Variants in PSTPIP2 observed in about 807,000 individuals in gnomAD.
PSTPIP2 encodes proline-serine-threonine phosphatase interacting protein 2.
A neutral mutation model predicts 63.3 loss-of-function variants in PSTPIP2; 33 were observed. The ratio of observed to expected loss-of-function variants is 0.52; its 90% confidence interval spans 0.40 to 0.70. The LOEUF is 0.70. Ranked by LOEUF, PSTPIP2 falls within the 30% of genes least tolerant of loss-of-function variation. PSTPIP2 has a pLI of 0.00. For missense variants in PSTPIP2, 312 were observed against 400.7 expected, an observed-to-expected ratio of 0.78 and a Z score of 1.89; for synonymous variants, 125 against 132.7, an observed-to-expected ratio of 0.94 and a Z score of 0.40.
At chr18:46,050,828 G>A (rs914006976) in intron 1 of PSTPIP2, among the ~76,000 whole-genome samples, 1 of 151,672 alleles carries the variant, frequency 6.6e-6, no homozygotes, top group African/African-American at 2.4e-5. Flanking sequence ...CACCATACAT[G>A]TAGTAGTGAC....
intron 4 of PSTPIP2, among the ~76,000 whole-genome samples, chr18:46,013,472 T>G (rs886871983): frequency 6.6e-6 from 1 of 151,994 alleles, no homozygotes; most frequent in Non-Finnish European, 1.5e-5. Flanking sequence ...AGGTTCTGAG[T>G]AACAGGCCTG....
intron 1 of PSTPIP2, among the ~76,000 whole-genome samples, chr18:46,063,031 C>G (rs1482940063): frequency 6.6e-6 from 1 of 152,206 alleles, no homozygotes; most frequent in Non-Finnish European, 1.5e-5. Context: ...GAGACAGCGT[C>G]TTGCTCTGTC....
rs149010793 is a variant in PSTPIP2 at position 46,013,242 on chromosome 18, T to C, written c.248-1955A>G. Among the ~76,000 whole-genome samples the C allele has an allele frequency of 3.7e-4, 57 of 152,330 alleles. 2 individuals are homozygous for C. In the Middle Eastern group the frequency reaches 0.014, roughly 36 times the overall value. ...GCATATAAGGAACGTGAAAAGTTAC[T>C]GTCTCTACTCTGAGAAATGTATTCA... is the stretch of plus-strand genomic sequence containing the variant. On this transcript the variant is annotated intron_variant, in intron 4 of 14. Coordinates refer to ENST00000409746, the MANE Select transcript of PSTPIP2 (RefSeq NM_024430.4).
At chr18:45,998,768 C>T (rs757061247) in intron 8 of PSTPIP2, 26 bp downstream of exon 8, 5 of 1,611,222 alleles carry the variant, frequency 3.1e-6, no homozygotes, top group Admixed American at 1.7e-5. Context: ...GCAACCCTCC[C>T]CCATCCGTAG....
chr18:46,044,574 T>A (rs534838704), intron 1 of PSTPIP2, among the ~76,000 whole-genome samples: 2,666 of 152,188 alleles, frequency 0.018, 74 homozygotes, highest in African/African-American at 0.061. Context: ...AACCTAGGCA[T>A]TACCATTCAG....
At chr18:46,057,251 T>C (rs1468555738) in intron 1 of PSTPIP2, among the ~76,000 whole-genome samples, 2 of 152,074 alleles carry the variant, frequency 1.3e-5, no homozygotes, top group African/African-American at 4.8e-5. Context: ...AGAGAAAAGA[T>C]TGCTTGGTCA....
chr18:46,017,700 C>T (rs757248598), intron 3 of PSTPIP2, among the ~76,000 whole-genome samples: 1 of 151,830 alleles, frequency 6.6e-6, no homozygotes, highest in Non-Finnish European at 1.5e-5. Context: ...GAAATATGTA[C>T]TTTGTGGAAT....
intron 14 of PSTPIP2, among the ~76,000 whole-genome samples, chr18:45,986,873 T>C (rs2051472652): frequency 1.3e-5 from 2 of 152,250 alleles, no homozygotes; most frequent in South Asian, 4.1e-4. Flanking sequence ...AGTCTTGCTC[T>C]GTCGCCCAGG....
intron 6 of PSTPIP2, among the ~76,000 whole-genome samples, chr18:46,004,972 A>G (rs1336622504): frequency 6.6e-6 from 1 of 152,224 alleles, no homozygotes; most frequent in Non-Finnish European, 1.5e-5. Context: ...ATGCCAATCA[A>G]TGACAGACTG....
At chr18:46,002,529 T>G (rs1354796947) in intron 6 of PSTPIP2, among the ~76,000 whole-genome samples, 3 of 152,208 alleles carry the variant, frequency 2.0e-5, no homozygotes, top group Non-Finnish European at 4.4e-5. Flanking sequence ...TAAGCCCACA[T>G]ATTGGGTTTT....
chr18:46,054,509 A>G (rs995542546), intron 1 of PSTPIP2, among the ~76,000 whole-genome samples: 1 of 152,234 alleles, frequency 6.6e-6, no homozygotes, highest in Non-Finnish European at 1.5e-5. Flanking sequence ...TCAGTGAATA[A>G]TAATGTATAC....
intron 1 of PSTPIP2, among the ~76,000 whole-genome samples, chr18:46,051,989 C>T (rs2144123049): frequency 6.6e-6 from 1 of 152,354 alleles, no homozygotes; most frequent in East Asian, 1.9e-4. Flanking sequence ...ATGGCATTCC[C>T]TGAGAACCCC....
At chr18:46,054,903 C>T (rs899119122) in intron 1 of PSTPIP2, among the ~76,000 whole-genome samples, 3 of 151,974 alleles carry the variant, frequency 2.0e-5, no homozygotes, top group South Asian at 4.2e-4. Context: ...GTTATCCACC[C>T]GCCTCAGCCT....
intron 5 of PSTPIP2, among the ~76,000 whole-genome samples, chr18:46,008,693 C>T (rs16978512): frequency 0.034 from 5,233 of 152,142 alleles, 293 homozygotes; most frequent in African/African-American, 0.12. Context: ...ACAGGCAGCA[C>T]GAAACTCTCC....
intron 1 of PSTPIP2, among the ~76,000 whole-genome samples, chr18:46,059,711 C>CT (rs1908922205): frequency 6.6e-6 from 1 of 152,078 alleles, no homozygotes; most frequent in Admixed American, 6.6e-5. Flanking sequence ...TGACATATGA[C>CT]TGTCTTCATT....
chr18:46,016,008 G>C (rs967409362), intron 3 of PSTPIP2, 71 bp from the exon 4 acceptor site: 12 of 1,517,718 alleles, frequency 7.9e-6, no homozygotes, highest in Non-Finnish European at 9.1e-6. Context: ...TAATGCCTTT[G>C]CATGCTTCTC....
intron 3 of PSTPIP2, among the ~76,000 whole-genome samples, chr18:46,022,628 T>C (rs975040557): frequency 3.3e-5 from 5 of 152,130 alleles, no homozygotes; most frequent in African/African-American, 9.7e-5. Flanking sequence ...TTCAGAATGG[T>C]GATAGCAGGG....
intron 9 of PSTPIP2, among the ~76,000 whole-genome samples, chr18:45,994,184 AG>A (rs1438532925): frequency 6.6e-6 from 1 of 152,132 alleles, no homozygotes; most frequent in Admixed American, 6.5e-5. Context: ...CCTTAAAAAA[AG>A]GGTTAAAATA....
intron 1 of PSTPIP2, among the ~76,000 whole-genome samples, chr18:46,065,703 G>A (rs983837437): frequency 2.0e-5 from 3 of 152,150 alleles, no homozygotes; most frequent in African/African-American, 4.8e-5. Flanking sequence ...CGGACCTTGT[G>A]ATGCACCTGT....
Sources: allele counts gnomAD v4.1 joint callset (sites outside exome capture counted in the v4.1 genomes callset), GRCh38; gene constraint gnomAD v4.1.1; transcripts MANE v1.5; gene names NCBI Gene and HGNC (gene_info 2026-07-23, HGNC 2026-07-21).